The following ABTB3 variants were observed in gnomAD, a reference collection of about 807,000 sequenced individuals.
ABTB3 encodes the protein ankyrin repeat and BTB domain containing 3, also known as ankyrin repeat- and BTB/POZ domain-containing protein 3.
the ABTB3 span, among the ~76,000 whole-genome samples, chr12:107,419,939 G>A: frequency 1.3e-5 from 2 of 152,212 alleles, no homozygotes; most frequent in East Asian, 1.9e-4. Context: ...AGGCGGAGTG[G>A]TATGGATCAA....
At chr12:107,652,124 G>A in the ABTB3 span, among the ~76,000 whole-genome samples, 1 of 152,256 alleles carries the variant, frequency 6.6e-6, no homozygotes, top group East Asian at 1.9e-4. Flanking sequence ...CCCAGGTGAT[G>A]TCTCTGCTGC....
chr12:107,640,626 C>T, the ABTB3 span, among the ~76,000 whole-genome samples: 1 of 152,198 alleles, frequency 6.6e-6, no homozygotes, highest in Non-Finnish European at 1.5e-5. Flanking sequence ...GGGGGCCGAG[C>T]TTTGGGAGCA....
chr12:107,643,357 C>T, the ABTB3 span, among the ~76,000 whole-genome samples: 5 of 148,520 alleles, frequency 3.4e-5, no homozygotes, highest in Admixed American at 6.9e-5. Flanking sequence ...GAGCCATAAT[C>T]GCACCACTGC....
At chr12:107,374,632 A>G in the ABTB3 span, 36 of 152,214 alleles carry the variant, frequency 2.4e-4, 1 homozygote, top group African/African-American at 8.4e-4. Context: ...ACCCCAGGGG[A>G]GCATTTGCTT....
chr12:107,602,776 A>G, the ABTB3 span, among the ~76,000 whole-genome samples: 1 of 152,312 alleles, frequency 6.6e-6, no homozygotes, highest in South Asian at 2.1e-4. Flanking sequence ...GATCAGCAGA[A>G]TGCATTAACT....
chr12:107,546,075 C>A, the ABTB3 span, among the ~76,000 whole-genome samples: 1 of 152,178 alleles, frequency 6.6e-6, no homozygotes, highest in African/African-American at 2.4e-5. Context: ...TTCTTTTCTG[C>A]CTCATACTTA....
chr12:107,421,144 G>C, the ABTB3 span, among the ~76,000 whole-genome samples: 2 of 152,200 alleles, frequency 1.3e-5, no homozygotes, highest in African/African-American at 4.8e-5. Flanking sequence ...GAAGGTGCAA[G>C]AATAGGCAAG....
chr12:107,333,808 A>G, the ABTB3 span, among the ~76,000 whole-genome samples: 4 of 152,354 alleles, frequency 2.6e-5, no homozygotes, highest in South Asian at 8.3e-4. Flanking sequence ...CTGAATAAGT[A>G]AAAGTGTTAG....
the ABTB3 span, among the ~76,000 whole-genome samples, chr12:107,578,383 C>CT: frequency 0.012 from 661 of 57,044 alleles, 3 homozygotes; most frequent in Middle Eastern, 0.033. Context: ...CTTTCTTCTT[C>CT]TTTTTTTTTT....
the ABTB3 span, among the ~76,000 whole-genome samples, chr12:107,580,210 C>T: frequency 1.1e-4 from 17 of 152,194 alleles, no homozygotes; most frequent in African/African-American, 3.4e-4. Flanking sequence ...GTTTTGAAAA[C>T]TGCCTGTATC....
At chr12:107,419,260 T>C in the ABTB3 span, among the ~76,000 whole-genome samples, 2 of 152,226 alleles carry the variant, frequency 1.3e-5, no homozygotes, top group African/African-American at 4.8e-5. Context: ...GACATGTTTG[T>C]TCTGTGACCT....
chr12:107,656,346 A>G, the ABTB3 span, among the ~76,000 whole-genome samples: 1 of 152,156 alleles, frequency 6.6e-6, no homozygotes, highest in African/African-American at 2.4e-5. Context: ...AAAAATTATA[A>G]TCTAGGACAA....
the ABTB3 span, among the ~76,000 whole-genome samples, chr12:107,450,336 C>T: frequency 6.6e-5 from 10 of 152,058 alleles, no homozygotes; most frequent in Non-Finnish European, 1.5e-4. Flanking sequence ...AAAAGGCAAA[C>T]TAAATGGAGA....
the ABTB3 span, among the ~76,000 whole-genome samples, chr12:107,452,202 ATTTTTTTT>A: frequency 0.069 from 7,594 of 110,302 alleles, 694 homozygotes; most frequent in African/African-American, 0.23. Flanking sequence ...GCCCATATGA[ATTTTTTTT>A]TTTTTTTTTT....
the ABTB3 span, among the ~76,000 whole-genome samples, chr12:107,527,358 G>T: frequency 6.6e-6 from 1 of 151,948 alleles, no homozygotes; most frequent in Non-Finnish European, 1.5e-5. Context: ...TGCAACCTCC[G>T]CCTCCTGGGT....
the ABTB3 span, among the ~76,000 whole-genome samples, chr12:107,425,915 G>A: frequency 1.3e-5 from 2 of 152,180 alleles, no homozygotes; most frequent in Non-Finnish European, 2.9e-5. Context: ...CACCCAGTTG[G>A]GTTCGACCAT....
the ABTB3 span, among the ~76,000 whole-genome samples, chr12:107,383,438 C>T: frequency 6.6e-6 from 1 of 152,178 alleles, no homozygotes; most frequent in Non-Finnish European, 1.5e-5. Context: ...GCCAGGTGAC[C>T]CTGGGTAGAT....
the ABTB3 span, among the ~76,000 whole-genome samples, chr12:107,504,564 T>C: frequency 6.6e-6 from 1 of 152,246 alleles, no homozygotes; most frequent in Admixed American, 6.5e-5. Flanking sequence ...CAATTAAATA[T>C]ACTTAACACG....
chr12:107,408,264 T>A, the ABTB3 span, among the ~76,000 whole-genome samples: 3 of 152,350 alleles, frequency 2.0e-5, no homozygotes, highest in African/African-American at 7.2e-5. Flanking sequence ...CAAGTGCTTT[T>A]TAAAAAGTTG....
Sources: gnomAD v4.1 joint callset for allele counts (sites outside exome capture counted in the v4.1 genomes callset) on GRCh38, gnomAD v4.1.1 for gene constraint, MANE v1.5 for transcripts, NCBI Gene and HGNC (gene_info 2026-07-23, HGNC 2026-07-21) for gene names.